The following CDH23 variants were observed in gnomAD, a reference collection of about 807,000 sequenced individuals.
CDH23 encodes the protein cadherin-23.
In CDH23, 189 loss-of-function variants were observed where a neutral mutation model predicts 317.1. The ratio of observed to expected loss-of-function variants is 0.60; its 90% CI spans 0.53 to 0.67. The LOEUF (loss-of-function observed/expected upper bound fraction) is 0.67. CDH23 is among the 30% of genes least tolerant of loss of function. The pLI, the probability that CDH23 is intolerant of heterozygous loss-of-function variation, is 0.00. For missense variants in CDH23, 4,401 were observed against 4,592.4 expected (o/e 0.96, Z 1.20); for synonymous variants, 1,839 against 1,876.8 (o/e 0.98, Z 0.52).
chr10:71,510,075 A>G lies in CDH23; in HGVS notation c.146-7A>G, dbSNP rs776790743. 9.3e-6 allele frequency: 15 copies of G among 1,613,712 alleles called. No homozygotes were observed. Among genetic ancestry groups the G allele is most frequent in the Non-Finnish European group, 1.2e-5 (14 of 1,179,872 alleles). On this transcript the variant is annotated splice_polypyrimidine_tract_variant and splice_region_variant and intron_variant, in intron 3 of 69. Coordinates refer to ENST00000224721, the MANE Select transcript of CDH23 (RefSeq NM_022124.6). The stretch of plus-strand genomic sequence containing the variant: ...TTTCCCTCTGCTCTCTCCCTTGGCT[A>G]CTCCAGGTTCTTCTGTGACCCAGTT...
chr10:71,778,661 G>A (rs896761426), intron 40 of CDH23, among the ~76,000 whole-genome samples: 2 of 152,190 alleles, frequency 1.3e-5, no homozygotes, highest in Non-Finnish European at 2.9e-5. Context: ...TCTGTGAAAG[G>A]AGGACAATAC....
At chr10:71,668,355 G>A (rs1460132653) in intron 14 of CDH23, among the ~76,000 whole-genome samples, 1 of 152,220 alleles carries the variant, frequency 6.6e-6, no homozygotes, top group Non-Finnish European at 1.5e-5. Context: ...CCTAGTAGGA[G>A]CACCCTGGAT....
intron 38 of CDH23, among the ~76,000 whole-genome samples, chr10:71,746,488 A>G (rs1339330063): frequency 2.6e-5 from 4 of 152,334 alleles, no homozygotes; most frequent in South Asian, 2.1e-4. Context: ...CCGCCACACA[A>G]TGGTGTGCCA....
intron 26 of CDH23, 134 bp downstream of exon 26, chr10:71,707,183 C>A (rs1463523575): frequency 6.5e-7 from 1 of 1,526,780 alleles, no homozygotes; most frequent in African/African-American, 1.4e-5. Flanking sequence ...TGGGCTTTAG[C>A]CTCTGGTGGT....
chr10:71,795,940 T>C, intron 48 of CDH23: 1 of 986,174 alleles, frequency 1.0e-6, no homozygotes, highest in Non-Finnish European at 1.2e-6. Context: ...CTTCCTGTCC[T>C]GTGGGGCCTG....
At chr10:71,525,463 A>C (rs1167790226) in intron 6 of CDH23, among the ~76,000 whole-genome samples, 2 of 152,196 alleles carry the variant, frequency 1.3e-5, no homozygotes, top group African/African-American at 4.8e-5. Flanking sequence ...GGTTGTCTGC[A>C]CAACAGTGGG....
chr10:71,462,514 C>T (rs1330430702), intron 3 of CDH23, among the ~76,000 whole-genome samples: 1 of 152,218 alleles, frequency 6.6e-6, no homozygotes, highest in African/African-American at 2.4e-5. Flanking sequence ...TCACCACACT[C>T]ACAGTGTGAC....
intron 2 of CDH23, among the ~76,000 whole-genome samples, chr10:71,440,354 C>T (rs893111411): frequency 6.6e-6 from 1 of 152,184 alleles, no homozygotes; most frequent in Non-Finnish European, 1.5e-5. Context: ...GAGAAAGACA[C>T]ATGCAGGATT....
intron 14 of CDH23, among the ~76,000 whole-genome samples, chr10:71,665,716 C>G (rs1863864052): frequency 6.6e-6 from 1 of 152,230 alleles, no homozygotes. Context: ...TGGCCAACCC[C>G]AGTGTCTTAC....
intron 6 of CDH23, among the ~76,000 whole-genome samples, chr10:71,559,254 C>T (rs1232474278): frequency 3.3e-5 from 5 of 152,192 alleles, no homozygotes; most frequent in African/African-American, 9.7e-5. Context: ...TCTTTTTGCC[C>T]TTGTGGATTT....
chr10:71,455,303 G>A (rs1214732944), intron 3 of CDH23, among the ~76,000 whole-genome samples: 1 of 151,940 alleles, frequency 6.6e-6, no homozygotes, highest in Admixed American at 6.6e-5. Context: ...TGACTTTGAT[G>A]TAATACTATT....
chr10:71,686,427 C>A (rs1362434973), intron 18 of CDH23, among the ~76,000 whole-genome samples: 2 of 152,020 alleles, frequency 1.3e-5, no homozygotes, highest in Non-Finnish European at 1.5e-5. Context: ...AGCCAAGGGG[C>A]AGATTGGAGA....
intron 6 of CDH23, among the ~76,000 whole-genome samples, chr10:71,525,160 G>GC (rs1009481962): frequency 6.6e-6 from 1 of 152,178 alleles, no homozygotes; most frequent in East Asian, 1.9e-4. Context: ...GCCCACCTCG[G>GC]CCCCCCAAAG....
intron 60 of CDH23, among the ~76,000 whole-genome samples, chr10:71,808,809 C>G (rs1841821388): frequency 6.6e-6 from 1 of 152,194 alleles, no homozygotes; most frequent in African/African-American, 2.4e-5. Flanking sequence ...AGCTAAGCTG[C>G]TTAGCATCCC....
intron 38 of CDH23, among the ~76,000 whole-genome samples, chr10:71,774,668 G>A (rs982302414): frequency 6.6e-6 from 1 of 152,230 alleles, no homozygotes; most frequent in Non-Finnish European, 1.5e-5. Context: ...AGAGGTGATC[G>A]TGGCCAGGAC....
At chr10:71,521,702 T>A (rs1052065549) in intron 6 of CDH23, among the ~76,000 whole-genome samples, 1 of 152,220 alleles carries the variant, frequency 6.6e-6, no homozygotes, top group Admixed American at 6.5e-5. Flanking sequence ...GTGCTAGAGA[T>A]GTCAGAGCAC....
intron 6 of CDH23, among the ~76,000 whole-genome samples, chr10:71,535,844 G>A (rs1401926235): frequency 6.6e-6 from 1 of 152,274 alleles, no homozygotes; most frequent in Non-Finnish European, 1.5e-5. Context: ...CTCCGGCCCA[G>A]ATGTGCTGCA....
chr10:71,473,944 G>A (rs919086455), intron 3 of CDH23, among the ~76,000 whole-genome samples: 1 of 152,184 alleles, frequency 6.6e-6, no homozygotes, highest in African/African-American at 2.4e-5. Context: ...CCTCTGCCTT[G>A]GAGAGCTGGC....
intron 14 of CDH23, among the ~76,000 whole-genome samples, chr10:71,653,223 C>T (rs930323984): frequency 6.6e-6 from 1 of 152,210 alleles, no homozygotes; most frequent in African/African-American, 2.4e-5. Context: ...CCCATCTCTC[C>T]TTCCCCTCCC....
Sources: allele counts gnomAD v4.1 joint callset (sites outside exome capture counted in the v4.1 genomes callset), GRCh38; gene constraint gnomAD v4.1.1; transcripts MANE v1.5; gene names NCBI Gene and HGNC (gene_info 2026-07-23, HGNC 2026-07-21).